Variants in ARNT2 observed in about 807,000 individuals in gnomAD.
ARNT2 encodes aryl hydrocarbon receptor nuclear translocator 2.
In ARNT2, 36 loss-of-function variants were observed where a neutral mutation model predicts 91.7. The ratio of observed to expected loss-of-function variants is 0.39; its 90% CI spans 0.30 to 0.52. The LOEUF (loss-of-function observed/expected upper bound fraction) is 0.52. ARNT2 is among the 20% of genes least tolerant of loss of function. The pLI, the probability that ARNT2 is intolerant of heterozygous loss-of-function variation, is 0.72. For synonymous variants in ARNT2, 365 were observed against 347.1 expected, an observed-to-expected ratio of 1.05 and a Z score of -0.57; for missense variants, 775 against 939.3, an observed-to-expected ratio of 0.83 and a Z score of 2.29.
At chr15:80,457,014 T>C (rs1442369299) in intron 2 of ARNT2, among the ~76,000 whole-genome samples, 1 of 152,254 alleles carries the variant, frequency 6.6e-6, no homozygotes, top group Non-Finnish European at 1.5e-5. Flanking sequence ...CACGTGGATG[T>C]CCAGGAAAGC....
chr15:80,475,947 A>G (rs879263654), intron 5 of ARNT2, among the ~76,000 whole-genome samples: 5 of 152,238 alleles, frequency 3.3e-5, no homozygotes, highest in Non-Finnish European at 7.3e-5. Flanking sequence ...TCACTGCAGT[A>G]TACACAATCA....
At chr15:80,568,730 C>T (rs1596018808) in intron 12 of ARNT2, among the ~76,000 whole-genome samples, 1 of 152,250 alleles carries the variant, frequency 6.6e-6, no homozygotes, top group East Asian at 1.9e-4. Flanking sequence ...CAACAGGCAA[C>T]CTGGCACAGA....
intron 1 of ARNT2, among the ~76,000 whole-genome samples, chr15:80,432,432 A>G (rs1412529980): frequency 6.6e-6 from 1 of 152,206 alleles, no homozygotes; most frequent in Non-Finnish European, 1.5e-5. Context: ...AAAAACACCA[A>G]AAGAATATTC....
chr15:80,408,997 A>G (rs1409897427), intron 1 of ARNT2, among the ~76,000 whole-genome samples: 1 of 152,122 alleles, frequency 6.6e-6, no homozygotes, highest in Non-Finnish European at 1.5e-5. Flanking sequence ...GCCCCCACAC[A>G]TGCACAACCT....
intron 8 of ARNT2, among the ~76,000 whole-genome samples, chr15:80,541,205 C>A (rs1164517140): frequency 6.6e-6 from 1 of 152,120 alleles, no homozygotes; most frequent in Admixed American, 6.6e-5. Context: ...GATGGTATCT[C>A]TGCGGTTTTG....
chr15:80,504,782 A>AT (rs1897250195), intron 5 of ARNT2, among the ~76,000 whole-genome samples: 1 of 119,780 alleles, frequency 8.3e-6, no homozygotes, highest in East Asian at 2.0e-4. Flanking sequence ...AAAAAAAAAA[A>AT]AATGGAAATC....
chr15:80,465,182 G>C lies in ARNT2; in HGVS notation c.195-5036G>C, dbSNP rs139396054. On this transcript the variant is annotated intron_variant, in intron 3 of 18. Coordinates refer to ENST00000303329, the MANE Select transcript of ARNT2 (RefSeq NM_014862.4). ...CAGTTTGGTGAATTGTCCAAGAGCA[G>C]AGGTTATCACTGTGTGCTGGGTGAA... Among the ~76,000 whole-genome samples, 40 of 152,322 alleles carry C rather than the reference G, an allele frequency of 2.6e-4. No individual in the cohort carries two copies. The East Asian group carries it at 5.2e-3, about 20-fold the overall frequency.
chr15:80,551,824 TA>T, intron 9 of ARNT2, among the ~76,000 whole-genome samples: 1 of 152,188 alleles, frequency 6.6e-6, no homozygotes, highest in Non-Finnish European at 1.5e-5. Flanking sequence ...GATCTTAGTC[TA>T]AATCAATCCT....
At chr15:80,580,786 G>T (rs1277298950) in intron 16 of ARNT2, among the ~76,000 whole-genome samples, 2 of 152,184 alleles carry the variant, frequency 1.3e-5, no homozygotes, top group East Asian at 3.9e-4. Context: ...GAGGCAGCTG[G>T]CAGGGAAAGG....
At chr15:80,565,565 A>T (rs1300740829) in intron 12 of ARNT2, among the ~76,000 whole-genome samples, 1 of 148,866 alleles carries the variant, frequency 6.7e-6, no homozygotes. Context: ...TTTTACTAAT[A>T]GCCATTCTAA....
chr15:80,533,140 G>A (rs987079209), intron 8 of ARNT2, among the ~76,000 whole-genome samples: 1 of 152,254 alleles, frequency 6.6e-6, no homozygotes, highest in African/African-American at 2.4e-5. Context: ...GGGCCATGGG[G>A]GCAGACCAGA....
intron 8 of ARNT2, among the ~76,000 whole-genome samples, chr15:80,526,547 G>GTGTC (rs1307438277): frequency 6.6e-6 from 1 of 152,234 alleles, no homozygotes; most frequent in Non-Finnish European, 1.5e-5. Context: ...AACTGGCAGT[G>GTGTC]TGTCTGCACA....
intron 17 of ARNT2, among the ~76,000 whole-genome samples, chr15:80,582,585 A>G (rs8039725): frequency 0.32 from 48,183 of 151,910 alleles, 10,735 homozygotes; most frequent in African/African-American, 0.64. Context: ...CACCTCCTCC[A>G]CTAACAGCAG....
chr15:80,556,324 G>A (rs1898188859), intron 11 of ARNT2: 1 of 152,130 alleles, frequency 6.6e-6, no homozygotes, highest in African/African-American at 2.4e-5. Context: ...ATAAAGGTAA[G>A]CGAGGATGAC....
chr15:80,572,433 C>A (rs1024752564), intron 12 of ARNT2, among the ~76,000 whole-genome samples: 4 of 151,908 alleles, frequency 2.6e-5, no homozygotes, highest in African/African-American at 9.7e-5. Flanking sequence ...CTACCTTCCA[C>A]ACCTGCTCCT....
intron 8 of ARNT2, among the ~76,000 whole-genome samples, chr15:80,524,632 T>G (rs1051301755): frequency 3.9e-5 from 6 of 152,216 alleles, no homozygotes; most frequent in African/African-American, 1.4e-4. Flanking sequence ...ATCCTAGCAC[T>G]TTGGGAGGCC....
chr15:80,518,925 T>TG (rs554617484), intron 8 of ARNT2, among the ~76,000 whole-genome samples: 1,769 of 151,970 alleles, frequency 0.012, 36 homozygotes, highest in African/African-American at 0.041. Context: ...CTACCAGAGA[T>TG]TGGGGGGGTG....
chr15:80,503,929 G>C (rs1897235051), intron 5 of ARNT2, among the ~76,000 whole-genome samples: 1 of 152,236 alleles, frequency 6.6e-6, no homozygotes, highest in Admixed American at 6.5e-5. Context: ...AGGGAAGGCT[G>C]CAAGTGTTGA....
chr15:80,590,647 C>T (rs11857431), intron 17 of ARNT2, among the ~76,000 whole-genome samples: 18,322 of 152,180 alleles, frequency 0.12, 3,212 homozygotes, highest in African/African-American at 0.39. Context: ...GAGGCTGAGG[C>T]TGGAGGATTG....
Sources: gnomAD v4.1 joint callset for allele counts (sites outside exome capture counted in the v4.1 genomes callset) on GRCh38, gnomAD v4.1.1 for gene constraint, MANE v1.5 for transcripts, NCBI Gene and HGNC (gene_info 2026-07-23, HGNC 2026-07-21) for gene names.